The following SLC52A3 variants were observed in gnomAD, a reference collection of about 807,000 sequenced individuals.
SLC52A3 encodes solute carrier family 52, riboflavin transporter, member 3.
SLC52A3 carries 20 observed loss-of-function variants against 29.5 expected under a neutral mutation model. The ratio of observed to expected loss-of-function variants is 0.68; its 90% CI spans 0.48 to 0.99. The LOEUF (loss-of-function observed/expected upper bound fraction) is 0.99, where lower values mean the gene tolerates loss of function less well. Among genes scored for constraint, SLC52A3 ranks in the 50% least tolerant of loss-of-function variants. The probability of loss-of-function intolerance (pLI) is 0.00; values close to 1 mark genes in which losing one functional copy is unlikely to be tolerated. For missense variants in SLC52A3, 548 were observed against 612.9 expected, an observed-to-expected ratio of 0.89 and a Z score of 1.12; for synonymous variants, 301 against 271.0, an observed-to-expected ratio of 1.11 and a Z score of -1.09.
chr20:767,215 C>T (rs145994079), intron 1 of SLC52A3, among the ~76,000 whole-genome samples: 2 of 152,182 alleles, frequency 1.3e-5, no homozygotes, highest in Non-Finnish European at 2.9e-5. Context: ...AAAATCAAGG[C>T]AGGTAAATGG....
upstream of SLC52A3, among the ~76,000 whole-genome samples, chr20:772,257 C>T (rs904602441): frequency 1.3e-5 from 2 of 152,226 alleles, no homozygotes; most frequent in Non-Finnish European, 2.9e-5. Context: ...GACCCAGGTG[C>T]TACCACGGCT....
upstream of SLC52A3, among the ~76,000 whole-genome samples, chr20:778,349 A>G (rs1987126370): frequency 6.6e-6 from 1 of 151,872 alleles, no homozygotes; most frequent in South Asian, 2.1e-4. Context: ...GAAGACAACC[A>G]TTATTTACCA....
intron 2 of SLC52A3, among the ~76,000 whole-genome samples, chr20:764,739 C>T (rs187389307): frequency 2.6e-4 from 40 of 152,284 alleles, no homozygotes; most frequent in Non-Finnish European, 5.3e-4. Flanking sequence ...AAATTTACAT[C>T]TAAAGGAAAT....
intron 4 of SLC52A3, 152 bp from the exon 5 acceptor site, chr20:761,390 C>T: frequency 1.0e-6 from 1 of 956,924 alleles, no homozygotes; most frequent in Middle Eastern, 3.3e-4. Flanking sequence ...GCCGACGGGT[C>T]CCATGAGTTG....
chr20:761,137 C>G lies in SLC52A3; in HGVS notation c.1299G>C (p.Gly433=), dbSNP rs1401876165. ...DLSRSALLWC[G]AAVQLGSLLG... is the part of the protein sequence containing the mutation. Reference sequence around the variant, plus strand: ...GCAGCGAGCCCAGCTGCACCGCCGCCCCGCACCACAAGAGGGCGCTGCGGC... The same window carrying G: ...GCAGCGAGCCCAGCTGCACCGCCGCGCCGCACCACAAGAGGGCGCTGCGGC... The change falls in exon 5 of 5, where the codon GGG becomes GGC. Residue 433 remains glycine, a synonymous_variant. Coordinates refer to ENST00000645534, the MANE Select transcript of SLC52A3 (RefSeq NM_033409.4). 3.1e-6 allele frequency: 5 copies of G among 1,592,918 alleles called. No homozygotes were observed. In the East Asian group the frequency reaches 9.2e-5, roughly 29 times the overall value.
chr20:763,838 G>A lies in SLC52A3; in HGVS notation c.733C>T (p.Pro245Ser). The A allele has an allele frequency of 6.2e-7, 1 of 1,614,120 alleles. No individual in the cohort carries two copies. The highest frequency in any genetic ancestry group is 8.5e-7 in the Non-Finnish European group (1 of 1,180,000). The stretch of plus-strand genomic sequence containing the variant: ...TCCACGGAAGCCTCCCAGCACCTGG[G>A]TTGACGCTGGAGGACAAAGAACGCC... ...LVAFFVLQRQ[P>S]RCWEASVEDL... Residue 245 changes from proline (P) to serine (S), a missense_variant, in exon 3 of 5, where the codon CCC becomes TCC. Pro to Ser is a moderately conservative substitution (Grantham distance 74, BLOSUM62 -1). Transcript: ENST00000645534.
upstream of SLC52A3, chr20:768,695 AG>A (rs1475792309): frequency 6.6e-6 from 1 of 152,240 alleles, no homozygotes; most frequent in Non-Finnish European, 1.5e-5. Flanking sequence ...GGTGTAACGC[AG>A]TCAGATCCCC....
upstream of SLC52A3, among the ~76,000 whole-genome samples, chr20:771,906 T>C (rs1986851965): frequency 6.6e-6 from 1 of 152,174 alleles, no homozygotes; most frequent in Non-Finnish European, 1.5e-5. Context: ...AGTACAGGCC[T>C]GACTCACCCT....
intron 1 of SLC52A3, among the ~76,000 whole-genome samples, chr20:774,506 A>G (rs1042483815): frequency 6.6e-6 from 1 of 152,178 alleles, no homozygotes; most frequent in Admixed American, 6.5e-5. Flanking sequence ...GATGAAGGGG[A>G]GTGAGAGAGA....
chr20:763,755 G>A lies in SLC52A3; in HGVS notation c.816C>T (p.Asp272=), dbSNP rs1364222567. 1.2e-6 allele frequency: 2 copies of A among 1,614,178 alleles called. No individual in the cohort carries two copies. Among genetic ancestry groups the A allele is most frequent in the Middle Eastern group, 1.6e-4 (1 of 6,062 alleles). The stretch of plus-strand genomic sequence containing the variant: ...TGTCCACCGTGCCTGCAGGGCCCAA[G>A]TCATTCTCTTCCCGCGGCCGGATGG... The part of the protein sequence containing the change: ...LHSIRPREEN[D]LGPAGTVDSS... Residue 272 remains aspartate, a synonymous_variant, in exon 3 of 5, where the codon GAC becomes GAT. Coordinates refer to ENST00000645534, the MANE Select transcript of SLC52A3 (RefSeq NM_033409.4).
intron 1 of SLC52A3, among the ~76,000 whole-genome samples, chr20:766,971 A>T (rs1986706788): frequency 6.6e-6 from 1 of 152,192 alleles, no homozygotes; most frequent in Non-Finnish European, 1.5e-5. Context: ...TCACCATGAG[A>T]TTGTCCCAAA....
chr20:776,704 C>T (rs751318483), upstream of SLC52A3, among the ~76,000 whole-genome samples: 1 of 152,098 alleles, frequency 6.6e-6, no homozygotes, highest in Non-Finnish European at 1.5e-5. Context: ...GTTCCCAAAT[C>T]ATCTTCAAAG....
chr20:767,758 T>G lies in SLC52A3; in HGVS notation c.-52+539A>C, dbSNP rs560637840. Among the ~76,000 whole-genome samples the G allele has an allele frequency of 5.3e-5, 8 of 152,292 alleles. No homozygotes were observed. In the East Asian group the frequency reaches 1.5e-3, roughly 29 times the overall value. ...CCTGAAATAAGATTTCAATCTGGCTTTTTTTCCTCCTGAAATTATATCACT... is the reference window on the plus strand; with the variant it reads ...CCTGAAATAAGATTTCAATCTGGCTGTTTTTCCTCCTGAAATTATATCACT... On this transcript the variant is annotated intron_variant, in intron 1 of 4. Coordinates refer to ENST00000645534, the MANE Select transcript of SLC52A3 (RefSeq NM_033409.4).
chr20:768,933 A>C (rs975190243), upstream of SLC52A3, among the ~76,000 whole-genome samples: 2 of 151,708 alleles, frequency 1.3e-5, no homozygotes, highest in Non-Finnish European at 1.5e-5. Flanking sequence ...TTTCTACAAG[A>C]CTCCGTCCTC....
At chr20:773,165 CG>C (rs1986900617), upstream of SLC52A3, among the ~76,000 whole-genome samples, 1 of 152,044 alleles carries the variant, frequency 6.6e-6, no homozygotes, top group African/African-American at 2.4e-5. Context: ...AAACATGAGG[CG>C]CCAGGGAGGA....
At chr20:776,036 C>G (rs1568735506), upstream of SLC52A3, 1 of 152,338 alleles carries the variant, frequency 6.6e-6, no homozygotes, top group Non-Finnish European at 1.5e-5. Context: ...CCGCCCAGAG[C>G]TCGGGGAAAG....
intron 1 of SLC52A3, among the ~76,000 whole-genome samples, chr20:775,604 G>T (rs1259257887): frequency 6.6e-6 from 1 of 152,144 alleles, no homozygotes; most frequent in East Asian, 1.9e-4. Context: ...TGGTCTGGAG[G>T]CACCAGGGGT....
upstream of SLC52A3, among the ~76,000 whole-genome samples, chr20:779,580 C>A (rs1987156625): frequency 6.6e-6 from 1 of 152,222 alleles, no homozygotes; most frequent in Admixed American, 6.5e-5. Context: ...GATTGCACCA[C>A]TGCACTCCAG....
chr20:761,080 G>GT lies in SLC52A3; in HGVS notation c.1355dup (p.Asn452LysfsTer55). The GT allele has an allele frequency of 6.2e-7, 1 of 1,609,950 alleles. No homozygotes were observed. The highest frequency in any genetic ancestry group is 8.5e-7 in the Non-Finnish European group (1 of 1,178,742). The stretch of plus-strand genomic sequence containing the variant: ...CCGCGGACGAGAAGAGCCGCAGCAC[G>GT]TTGACCAGAGGGAACATGAGCAGCG... On this transcript the variant is annotated frameshift_variant, in exon 5 of 5. Transcript: ENST00000645534. LOFTEE classifies it high-confidence loss of function.
Sources: gnomAD v4.1 joint callset for allele counts (sites outside exome capture counted in the v4.1 genomes callset) on GRCh38, gnomAD v4.1.1 for gene constraint, MANE v1.5 for transcripts, NCBI Gene and HGNC (gene_info 2026-07-23, HGNC 2026-07-21) for gene names.